The following HEATR5A variants were observed in gnomAD, a reference collection of about 807,000 sequenced individuals.
HEATR5A encodes the protein HEAT repeat containing 5A.
In HEATR5A, 178 loss-of-function variants were observed where a neutral mutation model predicts 218.8. That is an observed-to-expected ratio of 0.81 (90% CI 0.72 to 0.92). The LOEUF (loss-of-function observed/expected upper bound fraction) is 0.92. HEATR5A is among the 40% of genes least tolerant of loss of function. The pLI is 0.00. For synonymous variants in HEATR5A, 864 were observed against 871.6 expected (o/e 0.99, Z 0.15); for missense variants, 2,420 against 2,418.9 (o/e 1.00, Z -0.01).
chr14:31,397,615 C>T (rs1038380755), intron 4 of HEATR5A, among the ~76,000 whole-genome samples: 1 of 149,622 alleles, frequency 6.7e-6, no homozygotes, highest in African/African-American at 2.5e-5. Context: ...GCTGAGATCG[C>T]GCCATTGCAC....
rs1297958294 is a variant in HEATR5A at position 31,395,269 on chromosome 14, C to T, written c.527G>A (p.Arg176Lys). ...GGATCTAGCAGCTTTATAAACATCC[C>T]TGTGACAAGGTGCAGCGGCAGCTCC... ...GLGAAAAPCHRDVYKAARSCL... is the reference protein window; with the variant it reads ...GLGAAAAPCHKDVYKAARSCL... The change falls in exon 5 of 36, where the codon AGG (arginine) becomes AAG (lysine). Residue 176 changes from arginine to lysine, a missense_variant. Transcript: ENST00000543095. 1 of 1,531,114 alleles carries T rather than the reference C, an allele frequency of 6.5e-7. No homozygotes were observed. The allele number at this position is 1,531,114 out of a possible 1,614,324, so 94.8% of individuals were successfully genotyped here.
intron 18 of HEATR5A, among the ~76,000 whole-genome samples, chr14:31,348,131 T>C (rs1901081161): frequency 6.6e-6 from 1 of 152,158 alleles, no homozygotes. Context: ...TAATGATTAG[T>C]TTAGTATGAG....
At position 31,399,776 on chromosome 14, in the gene HEATR5A, G is replaced by A. The variant is rs556930880; in HGVS notation, c.338+525C>T. 4.6e-5 allele frequency among the ~76,000 whole-genome samples: 7 copies of A among 152,302 alleles called. No individual in the cohort carries two copies. In the East Asian group the frequency reaches 1.2e-3, roughly 25 times the overall value. ...ACCCAGGAGGCAGAGGTTGCAGTGA[G>A]TCGAGATCACGCCACTGTACTCCAG... On this transcript the variant is annotated intron_variant, in intron 3 of 35. Transcript: ENST00000543095.
chr14:31,370,524 A>G (rs1052602020), intron 13 of HEATR5A, among the ~76,000 whole-genome samples: 2 of 152,226 alleles, frequency 1.3e-5, no homozygotes, highest in African/African-American at 4.8e-5. Context: ...GAACACTGAA[A>G]AATAATTTGG....
At chr14:31,326,974 AT>A (rs529504810) in intron 22 of HEATR5A, among the ~76,000 whole-genome samples, 396 of 144,344 alleles carry the variant, frequency 2.7e-3, no homozygotes, top group East Asian at 8.9e-3. Context: ...TCAGTGCTTA[AT>A]TTTTTTTTTT....
At chr14:31,415,242 G>A (rs557235733) in intron 1 of HEATR5A, among the ~76,000 whole-genome samples, 1 of 152,190 alleles carries the variant, frequency 6.6e-6, no homozygotes, top group African/African-American at 2.4e-5. Flanking sequence ...GGCTTTCCTT[G>A]GCAGGCACTG....
At chr14:31,351,027 C>A (rs184916695) in intron 16 of HEATR5A, among the ~76,000 whole-genome samples, 202 of 152,230 alleles carry the variant, frequency 1.3e-3, no homozygotes, top group Non-Finnish European at 7.5e-4. Context: ...GTGATCCGCC[C>A]ACCTTGGCCT....
At chr14:31,336,418 A>G (rs1363959401) in intron 22 of HEATR5A, among the ~76,000 whole-genome samples, 2 of 151,526 alleles carry the variant, frequency 1.3e-5, no homozygotes, top group African/African-American at 4.8e-5. Flanking sequence ...TGAACTCCTG[A>G]CCTAAAACAG....
At chr14:31,383,895 A>T in intron 9 of HEATR5A, 124 bp from the exon 10 acceptor site, 1 of 676,946 alleles carries the variant, frequency 1.5e-6, no homozygotes. Context: ...ACATTATAAT[A>T]GAAAAATACA....
chr14:31,334,596 G>A (rs1055617493), intron 22 of HEATR5A: 12 of 347,968 alleles, frequency 3.4e-5, no homozygotes, highest in Non-Finnish European at 5.8e-5. Flanking sequence ...ATGTTACAGA[G>A]TAATCTTTCA....
intron 5 of HEATR5A, 41 bp from the exon 6 acceptor site, chr14:31,394,267 A>G: frequency 7.6e-7 from 1 of 1,310,076 alleles, no homozygotes; most frequent in Non-Finnish European, 1.0e-6. Flanking sequence ...AAAATAAAAT[A>G]CAAATGTCAG....
chr14:31,395,825 T>C (rs1288122323), intron 4 of HEATR5A, among the ~76,000 whole-genome samples: 1 of 152,200 alleles, frequency 6.6e-6, no homozygotes. Flanking sequence ...ATACAACAAA[T>C]GTTCAATAGA....
chr14:31,356,721 A>C (rs1162761780), intron 16 of HEATR5A, among the ~76,000 whole-genome samples: 2 of 152,248 alleles, frequency 1.3e-5, no homozygotes, highest in Non-Finnish European at 1.5e-5. Context: ...CTATGAGCAC[A>C]TTAAAAAATT....
intron 1 of HEATR5A, among the ~76,000 whole-genome samples, chr14:31,411,507 T>G (rs2031270731): frequency 6.6e-6 from 1 of 152,196 alleles, no homozygotes; most frequent in South Asian, 2.1e-4. Flanking sequence ...AAGAGTACTT[T>G]GTGGAATGCT....
intron 3 of HEATR5A, among the ~76,000 whole-genome samples, chr14:31,399,109 G>A (rs1274583298): frequency 6.6e-6 from 1 of 152,076 alleles, no homozygotes; most frequent in African/African-American, 2.4e-5. Flanking sequence ...TTTTATACAT[G>A]GTGTAACAGA....
intron 1 of HEATR5A, among the ~76,000 whole-genome samples, chr14:31,416,696 C>G (rs530963868): frequency 6.6e-6 from 1 of 152,060 alleles, no homozygotes; most frequent in Middle Eastern, 3.4e-3. Flanking sequence ...AGAGTGCTAA[C>G]TTTCCATTTG....
In HEATR5A at chr14:31,374,672, A is replaced by G. The variant is rs80178048; in HGVS notation, c.1861+144T>C. 7.2e-3 allele frequency: 4,821 copies of G among 672,648 alleles called. 173 individuals carry two copies. The African/African-American group carries it at 0.079, about 11-fold the overall frequency. The allele number at this position is 672,648 out of a possible 1,614,324, so 41.7% of individuals were successfully genotyped here. On this transcript the variant is annotated intron_variant, in intron 12 of 35. Coordinates refer to ENST00000543095, the MANE Select transcript of HEATR5A (RefSeq NM_015473.4). The stretch of plus-strand genomic sequence containing the variant: ...TTATCATTACCAACTAATCGGTTAT[A>G]ATTTTTTTGTTCAGTTACAAAAAAA...
intron 30 of HEATR5A, 150 bp from the exon 31 acceptor site, chr14:31,307,029 A>G (rs1249084287): frequency 1.5e-6 from 1 of 650,434 alleles, no homozygotes; most frequent in East Asian, 2.9e-5. Flanking sequence ...GCTCCATTTT[A>G]AATCAACTCC....
chr14:31,414,639 G>C (rs1219964281), intron 1 of HEATR5A, among the ~76,000 whole-genome samples: 3 of 152,112 alleles, frequency 2.0e-5, no homozygotes, highest in Admixed American at 2.0e-4. Context: ...GTCAATCCTT[G>C]CATCTGTTGC....
Sources: gnomAD v4.1 joint callset for allele counts (sites outside exome capture counted in the v4.1 genomes callset) on GRCh38, gnomAD v4.1.1 for gene constraint, MANE v1.5 for transcripts, NCBI Gene and HGNC (gene_info 2026-07-23, HGNC 2026-07-21) for gene names.